The following MTUS1 variants were observed in gnomAD, a reference collection of about 807,000 sequenced individuals.
MTUS1 encodes microtubule-associated tumor suppressor 1.
A neutral mutation model predicts 120.8 loss-of-function variants in MTUS1; 109 were observed. The observed-to-expected ratio is 0.90, with a 90% CI of 0.77 to 1.06. The LOEUF (loss-of-function observed/expected upper bound fraction) is 1.06, where lower values mean the gene tolerates loss of function less well. Ranked by LOEUF, MTUS1 falls within the 50% of genes least tolerant of loss-of-function variation. The pLI is 0.00. For missense variants in MTUS1, 2,210 were observed against 1,486.3 expected (o/e 1.49, Z -8.01); for synonymous variants, 737 against 550.5 (o/e 1.34, Z -4.74).
At chr8:17,667,560 T>G (rs79360958) in intron 8 of MTUS1, among the ~76,000 whole-genome samples, 2,681 of 152,356 alleles carry the variant, frequency 0.018, 86 homozygotes, top group African/African-American at 0.061. Context: ...GTACTGTTTT[T>G]TGCAAGTTAC....
intron 4 of MTUS1, among the ~76,000 whole-genome samples, 198 bp from the exon 5 acceptor site, chr8:17,716,099 G>T (rs1013337907): frequency 1.5e-4 from 23 of 152,160 alleles, no homozygotes; most frequent in African/African-American, 5.6e-4. Context: ...TATAATCAGA[G>T]TGACCACACA....
At position 17,684,400 on chromosome 8, in the gene MTUS1, G is replaced by T. The variant is rs372065658; in HGVS notation, c.2766C>A (p.Leu922=). The T allele has an allele frequency of 6.2e-7, 1 of 1,614,046 alleles. No individual in the cohort carries two copies. Reference sequence around the variant, plus strand: ...TATTACCACAGGCAAGAAGCTGCTTGAGCTGCAGGATAAATCCACTTTGGT... The same window carrying T: ...TATTACCACAGGCAAGAAGCTGCTTTAGCTGCAGGATAAATCCACTTTGGT... ...CENQSGFILQ[L]KQLLACGNTK... Residue 922 remains leucine (L), a synonymous_variant, in exon 7 of 15, where the codon CTC becomes CTA. Transcript: ENST00000693296.
At chr8:17,687,285 C>T (rs1204850677) in intron 6 of MTUS1, among the ~76,000 whole-genome samples, 1 of 152,110 alleles carries the variant, frequency 6.6e-6, no homozygotes, top group African/African-American at 2.4e-5. Flanking sequence ...GACCCAGTTT[C>T]CACATGCTTC....
chr8:17,751,652 G>T (rs940371812), intron 2 of MTUS1, among the ~76,000 whole-genome samples: 1 of 152,094 alleles, frequency 6.6e-6, no homozygotes, highest in African/African-American at 2.4e-5. Context: ...GAGGTCAAGA[G>T]ATCAAGACCA....
chr8:17,701,115 T>C (rs1006240459), intron 6 of MTUS1, among the ~76,000 whole-genome samples: 2 of 152,226 alleles, frequency 1.3e-5, no homozygotes, highest in Non-Finnish European at 2.9e-5. Flanking sequence ...ACCAAGTGAC[T>C]TGTGTGGAGA....
intron 1 of MTUS1, among the ~76,000 whole-genome samples, chr8:17,775,886 G>C (rs1235075096): frequency 6.6e-6 from 1 of 152,190 alleles, no homozygotes; most frequent in Non-Finnish European, 1.5e-5. Context: ...TGACTACGCA[G>C]GCATTTCAGA....
intron 6 of MTUS1, among the ~76,000 whole-genome samples, chr8:17,701,842 C>G (rs113185892): frequency 4.0e-5 from 6 of 151,774 alleles, no homozygotes; most frequent in African/African-American, 1.5e-4. Flanking sequence ...AGCCACCGCA[C>G]CCGGCCAGAA....
In MTUS1 at chr8:17,645,081, T is replaced by A. The variant is rs1021267702; in HGVS notation, c.*845A>T. The A allele has an allele frequency of 6.6e-5, 10 of 152,494 alleles. No individual in the cohort carries two copies. Among genetic ancestry groups the A allele is most frequent in the Non-Finnish European group, 1.5e-4 (10 of 68,026 alleles). The allele number at this position is 152,494 out of a possible 1,614,324, so 9.4% of individuals were successfully genotyped here. A position where few individuals can be genotyped will look rare whatever the true frequency, so the allele number is the denominator to read the frequency against. Reference sequence around the variant, plus strand: ...CAGTTAGTTAGTTAGTTTGTTTTTTTATAGAAAAATTAGGGTTCTACATTT... The same window carrying A: ...CAGTTAGTTAGTTAGTTTGTTTTTTAATAGAAAAATTAGGGTTCTACATTT... On this transcript the variant is annotated 3_prime_UTR_variant, in exon 15 of 15. Transcript: ENST00000693296.
intron 7 of MTUS1, among the ~76,000 whole-genome samples, chr8:17,681,875 A>G (rs1444539372): frequency 6.6e-6 from 1 of 152,168 alleles, no homozygotes; most frequent in African/African-American, 2.4e-5. Flanking sequence ...AGCTAATTTT[A>G]ATAACGTATT....
intron 8 of MTUS1, among the ~76,000 whole-genome samples, chr8:17,658,024 GACACACACACAC>G (rs58132896): frequency 1.7e-3 from 240 of 140,512 alleles, no homozygotes; most frequent in Non-Finnish European, 2.6e-3. Context: ...TATATATATA[GACACACACACAC>G]ACACACACAC....
At chr8:17,787,407 CAG>C (rs1310852810) in intron 1 of MTUS1, among the ~76,000 whole-genome samples, 6 of 152,298 alleles carry the variant, frequency 3.9e-5, no homozygotes, top group South Asian at 2.1e-4. Context: ...GCTCAAAACA[CAG>C]AGTTAATAAA....
chr8:17,794,052 G>T (rs571412226), intron 1 of MTUS1, among the ~76,000 whole-genome samples: 4 of 152,118 alleles, frequency 2.6e-5, no homozygotes, highest in South Asian at 4.1e-4. Flanking sequence ...CACAGGCCGG[G>T]CACAGTGGCT....
chr8:17,746,585 CAA>C (rs991358968), intron 2 of MTUS1, among the ~76,000 whole-genome samples: 1 of 152,112 alleles, frequency 6.6e-6, no homozygotes, highest in African/African-American at 2.4e-5. Context: ...CTCACTACCA[CAA>C]GAACAGTATG....
At chr8:17,667,077 G>C (rs1811077194) in intron 8 of MTUS1, among the ~76,000 whole-genome samples, 1 of 152,178 alleles carries the variant, frequency 6.6e-6, no homozygotes, top group Non-Finnish European at 1.5e-5. Context: ...AACAGGACAA[G>C]GAGGAACAGT....
intron 8 of MTUS1, among the ~76,000 whole-genome samples, chr8:17,668,570 G>A (rs1421822072): frequency 1.3e-5 from 2 of 152,158 alleles, no homozygotes; most frequent in Non-Finnish European, 2.9e-5. Context: ...AATATAAAAT[G>A]TATCCAAGAG....
At chr8:17,718,406 C>A (rs924437496) in intron 4 of MTUS1, among the ~76,000 whole-genome samples, 3 of 152,172 alleles carry the variant, frequency 2.0e-5, no homozygotes, top group South Asian at 2.1e-4. Flanking sequence ...CCTAGCTGTG[C>A]TGAATCACCT....
intron 6 of MTUS1, among the ~76,000 whole-genome samples, chr8:17,688,993 C>G (rs1168459517): frequency 3.9e-5 from 6 of 152,100 alleles, no homozygotes; most frequent in African/African-American, 1.4e-4. Flanking sequence ...GGGCAGATCA[C>G]AAAGTCACGT....
intron 6 of MTUS1, among the ~76,000 whole-genome samples, chr8:17,690,526 C>G (rs533311264): frequency 6.6e-6 from 1 of 152,316 alleles, no homozygotes; most frequent in African/African-American, 2.4e-5. Context: ...AGCAATCCCA[C>G]TGCTGGGTAT....
At chr8:17,772,433 A>G (rs2050086676) in intron 1 of MTUS1, among the ~76,000 whole-genome samples, 1 of 152,236 alleles carries the variant, frequency 6.6e-6, no homozygotes, top group Admixed American at 6.5e-5. Flanking sequence ...CAGAGGATTT[A>G]AAGAGATTCA....
Sources: allele counts gnomAD v4.1 joint callset (sites outside exome capture counted in the v4.1 genomes callset), GRCh38; gene constraint gnomAD v4.1.1; transcripts MANE v1.5; gene names NCBI Gene and HGNC (gene_info 2026-07-23, HGNC 2026-07-21).